The following ADGRV1 variants were observed in gnomAD, a reference collection of about 807,000 sequenced individuals.
ADGRV1 encodes adhesion G protein-coupled receptor V1.
A neutral mutation model predicts 596.2 loss-of-function variants in ADGRV1; 359 were observed. The observed-to-expected ratio is 0.60, with a 90% CI of 0.55 to 0.66. The LOEUF is 0.66. Ranked by LOEUF, ADGRV1 falls within the 30% of genes least tolerant of loss-of-function variation. The pLI, the probability that ADGRV1 is intolerant of heterozygous loss-of-function variation, is 0.00. For missense variants in ADGRV1, 7,274 were observed against 7,575.6 expected, an observed-to-expected ratio of 0.96 and a Z score of 1.48; for synonymous variants, 2,681 against 2,679.2, an observed-to-expected ratio of 1.00 and a Z score of -0.02.
chr5:90,718,607 G>T (rs1016894912), intron 43 of ADGRV1, among the ~76,000 whole-genome samples: 3 of 151,756 alleles, frequency 2.0e-5, no homozygotes, highest in African/African-American at 7.3e-5. Flanking sequence ...ATTTGCAAAT[G>T]CATATTCATT....
chr5:90,917,890 A>G (rs375745557), intron 83 of ADGRV1, among the ~76,000 whole-genome samples: 29 of 152,138 alleles, frequency 1.9e-4, no homozygotes, highest in African/African-American at 6.5e-4. Flanking sequence ...CATTTTTTTT[A>G]AAGAAGCATT....
chr5:90,750,301 C>T (rs1395251134), intron 52 of ADGRV1, among the ~76,000 whole-genome samples: 3 of 152,100 alleles, frequency 2.0e-5, no homozygotes, highest in Non-Finnish European at 4.4e-5. Flanking sequence ...AATATAGAAA[C>T]AGAAACATAA....
chr5:90,891,710 A>G (rs1030332635), intron 83 of ADGRV1, among the ~76,000 whole-genome samples: 11 of 151,948 alleles, frequency 7.2e-5, no homozygotes, highest in Non-Finnish European at 1.5e-4. Context: ...CTTTCTTTTC[A>G]CTTTTAGAAG....
At chr5:91,105,158 C>T (rs763310520) in intron 87 of ADGRV1, among the ~76,000 whole-genome samples, 15 of 152,122 alleles carry the variant, frequency 9.9e-5, no homozygotes, top group African/African-American at 2.2e-4. Context: ...CATGAGCCAC[C>T]GCACCCAGCT....
At chr5:91,056,465 A>G (rs1468868385) in intron 85 of ADGRV1, among the ~76,000 whole-genome samples, 1 of 152,132 alleles carries the variant, frequency 6.6e-6, no homozygotes, top group Non-Finnish European at 1.5e-5. Flanking sequence ...GAAATGGTTC[A>G]TTGTTGTTGC....
chr5:90,694,248 G>A lies in ADGRV1; in HGVS notation c.7492G>A (p.Val2498Met). The A allele has an allele frequency of 1.9e-6, 3 of 1,613,964 alleles. No individual in the cohort carries two copies. Among genetic ancestry groups the A allele is most frequent in the South Asian group, 2.2e-5 (2 of 91,086 alleles). Reference protein sequence around the residue: ...RVASLFSGQAVAGSDYEPVTR... With the variant: ...RVASLFSGQAMAGSDYEPVTR... ...AGCATCTCTTTTTAGTGGTCAGGCT[G>A]TGGCTGGGAGTGACTATGAGCCTGT... Residue 2498 changes from valine (V) to methionine (M), a missense_variant, in exon 33 of 90, where the codon GTG becomes ATG. Physicochemically the swap from Val to Met is conservative, Grantham distance 21. Transcript: ENST00000405460.
chr5:91,072,864 T>C (rs1298283231), intron 86 of ADGRV1, among the ~76,000 whole-genome samples: 2 of 152,160 alleles, frequency 1.3e-5, no homozygotes, highest in Admixed American at 6.5e-5. Context: ...GTCGCAGCCT[T>C]GGGAGCCACT....
At chr5:91,016,056 A>G (rs1783144811) in intron 85 of ADGRV1, among the ~76,000 whole-genome samples, 1 of 151,920 alleles carries the variant, frequency 6.6e-6, no homozygotes. Flanking sequence ...GGCAGGTCTG[A>G]TGGTAATGAA....
intron 84 of ADGRV1, among the ~76,000 whole-genome samples, chr5:90,966,746 T>C (rs752139258): frequency 2.0e-5 from 3 of 152,068 alleles, no homozygotes; most frequent in Admixed American, 6.6e-5. Context: ...CCAAATTCTC[T>C]CCATTATTCT....
chr5:90,997,724 G>C (rs1189287818), intron 85 of ADGRV1, among the ~76,000 whole-genome samples: 1 of 152,138 alleles, frequency 6.6e-6, no homozygotes, highest in Non-Finnish European at 1.5e-5. Context: ...GAGGTAGATA[G>C]ACAATGAGTC....
chr5:91,153,699 G>A (rs956672280), intron 89 of ADGRV1, among the ~76,000 whole-genome samples: 39 of 152,328 alleles, frequency 2.6e-4, no homozygotes, highest in Non-Finnish European at 3.7e-4. Context: ...ATAGACAGTC[G>A]ATAGGGATCT....
intron 1 of ADGRV1, among the ~76,000 whole-genome samples, chr5:90,567,738 T>A (rs940677959): frequency 1.3e-5 from 2 of 148,786 alleles, no homozygotes; most frequent in Non-Finnish European, 2.9e-5. Context: ...AGTTTTGTTA[T>A]CTTTTTTTTT....
chr5:90,613,215 T>C (rs908036849), intron 1 of ADGRV1, among the ~76,000 whole-genome samples: 4 of 152,246 alleles, frequency 2.6e-5, no homozygotes, highest in East Asian at 3.9e-4. Context: ...TCACAGTAGA[T>C]TGTAGTTGAT....
chr5:91,048,024 G>A, intron 85 of ADGRV1, among the ~76,000 whole-genome samples: 1 of 152,196 alleles, frequency 6.6e-6, no homozygotes, highest in South Asian at 2.1e-4. Context: ...AAGGCATAAA[G>A]TTTATGAATA....
At chr5:90,640,767 T>C (rs1484969777) in intron 11 of ADGRV1, 1 of 152,654 alleles carries the variant, frequency 6.6e-6, no homozygotes, top group African/African-American at 2.4e-5. Context: ...CTCACAGTAT[T>C]AGTGAGATTT....
chr5:90,594,489 T>G (rs1423100790), intron 1 of ADGRV1, among the ~76,000 whole-genome samples: 1 of 130,544 alleles, frequency 7.7e-6, no homozygotes, highest in African/African-American at 3.7e-5. Flanking sequence ...GCAGTTCTTT[T>G]TTTTTTTTTT....
At chr5:90,658,391 A>G (rs745347230) in intron 21 of ADGRV1, 113 bp downstream of exon 21, 3 of 938,812 alleles carry the variant, frequency 3.2e-6, no homozygotes, top group African/African-American at 1.7e-5. Flanking sequence ...CTCCAAGTCC[A>G]GAAGTATGCT....
intron 83 of ADGRV1, among the ~76,000 whole-genome samples, chr5:90,902,061 T>G (rs1430239116): frequency 6.6e-6 from 1 of 152,112 alleles, no homozygotes; most frequent in Non-Finnish European, 1.5e-5. Context: ...TTGCCCTGTA[T>G]TTTGAAGGTA....
intron 16 of ADGRV1, 95 bp downstream of exon 16, chr5:90,646,186 GT>G: frequency 1.4e-6 from 1 of 737,356 alleles, no homozygotes. Context: ...TTATATGCAC[GT>G]GCGTATATAC....
Sources: gnomAD v4.1 joint callset for allele counts (sites outside exome capture counted in the v4.1 genomes callset) on GRCh38, gnomAD v4.1.1 for gene constraint, MANE v1.5 for transcripts, NCBI Gene and HGNC (gene_info 2026-07-23, HGNC 2026-07-21) for gene names.